ARHGEF12: variants seen among roughly 807,000 people sequenced by gnomAD.
The protein encoded by ARHGEF12 is Rho guanine nucleotide exchange factor 12.
In ARHGEF12, 66 loss-of-function variants were observed where a neutral mutation model predicts 211.2. That is an observed-to-expected ratio of 0.31 (90% confidence interval 0.26 to 0.38). The LOEUF is 0.38. ARHGEF12 is among the 10% of genes least tolerant of loss of function. The pLI is 1.00. For missense variants in ARHGEF12, 1,429 were observed against 1,869.5 expected (o/e 0.76, Z 4.34); for synonymous variants, 592 against 638.4 (o/e 0.93, Z 1.09).
chr11:120,370,912 G>A (rs1943572612), intron 1 of ARHGEF12, among the ~76,000 whole-genome samples: 1 of 151,498 alleles, frequency 6.6e-6, no homozygotes, highest in East Asian at 1.9e-4. Context: ...TTAAGGTAGT[G>A]TGTTATAGAG....
At chr11:120,456,845 T>C (rs539446259) in intron 22 of ARHGEF12, among the ~76,000 whole-genome samples, 2 of 152,172 alleles carry the variant, frequency 1.3e-5, no homozygotes, top group South Asian at 2.1e-4. Flanking sequence ...AAATTAAAAA[T>C]GAGCCAGGTG....
intron 36 of ARHGEF12, 94 bp from the exon 37 acceptor site, chr11:120,478,062 G>GT (rs368383611): frequency 0.19 from 106,262 of 566,266 alleles, 162 homozygotes; most frequent in South Asian, 0.33. Flanking sequence ...TTTATGGATT[G>GT]TTTTTTTTTT....
intron 40 of ARHGEF12, 58 bp downstream of exon 40, chr11:120,484,565 G>T: frequency 1.4e-6 from 2 of 1,413,936 alleles, no homozygotes; most frequent in Non-Finnish European, 2.0e-6. Context: ...TGAATGAAAT[G>T]ACTTATCATA....
At position 120,460,657 on chromosome 11, in the gene ARHGEF12, T is replaced by C; in HGVS notation, c.2528-15T>C. ...TGAATGTGTTACTAACGTTTTTCTA[T>C]CTTTTTATCTTTAGTTGGATTGAAT... On this transcript the variant is annotated splice_polypyrimidine_tract_variant and intron_variant, in intron 26 of 40. Coordinates refer to ENST00000397843, the MANE Select transcript of ARHGEF12 (RefSeq NM_015313.3). The C allele has an allele frequency of 6.2e-7, 1 of 1,607,982 alleles. No homozygotes were observed.
intron 12 of ARHGEF12, 37 bp from the exon 13 acceptor site, chr11:120,440,092 G>T (rs755847088): frequency 4.1e-6 from 6 of 1,459,892 alleles, no homozygotes; most frequent in Non-Finnish European, 5.7e-6. Context: ...TTGACCACCA[G>T]GTAATTTTTC....
chr11:120,416,388 A>G (rs1404300760), intron 4 of ARHGEF12, among the ~76,000 whole-genome samples: 2 of 152,190 alleles, frequency 1.3e-5, no homozygotes, highest in Non-Finnish European at 2.9e-5. Flanking sequence ...AACAAATACA[A>G]ATCAGTGTGA....
intron 27 of ARHGEF12, chr11:120,463,525 CAAAAAAAAAAA>C (rs11315620): frequency 1.2e-5 from 1 of 81,678 alleles, no homozygotes; most frequent in African/African-American, 4.3e-5. Context: ...AACTCAGTCT[CAAAAAAAAAAA>C]AAAAAAAAAA....
intron 39 of ARHGEF12, among the ~76,000 whole-genome samples, chr11:120,483,005 A>G (rs1021997201): frequency 3.3e-5 from 5 of 152,164 alleles, no homozygotes; most frequent in Admixed American, 3.3e-4. Context: ...GTTCTTATAT[A>G]CAGTCATGTG....
rs368476949 is a variant in ARHGEF12 at position 120,473,106 on chromosome 11, C to T, written c.3012C>T (p.Tyr1004=). The T allele has an allele frequency of 6.2e-7, 1 of 1,613,266 alleles. No individual in the cohort carries two copies. The highest frequency in any genetic ancestry group is 8.5e-7 in the Non-Finnish European group (1 of 1,179,700). The part of the protein sequence containing the change: ...LDTSSLKLSE[Y]PNVEELRNLD... ...CCTCCAGCCTGAAGTTGTCAGAGTACCCAAATGTTGAAGAGCTCAGGGTGA... is the reference window on the plus strand; with the variant it reads ...CCTCCAGCCTGAAGTTGTCAGAGTATCCAAATGTTGAAGAGCTCAGGGTGA... The change falls in exon 31 of 41, where the codon TAC becomes TAT. Residue 1004 remains tyrosine (Y), a synonymous_variant. Transcript: ENST00000397843.
chr11:120,410,693 G>GT (rs1944857531), intron 4 of ARHGEF12: 1 of 152,084 alleles, frequency 6.6e-6, no homozygotes, highest in Non-Finnish European at 1.5e-5. Context: ...CTTTACTTGG[G>GT]TTTTTGTGAC....
At chr11:120,414,060 G>A (rs41478048) in intron 4 of ARHGEF12, among the ~76,000 whole-genome samples, 1,970 of 152,096 alleles carry the variant, frequency 0.013, 51 homozygotes, top group African/African-American at 0.045. Context: ...GAAGGAAGCA[G>A]TCTTTTTATG....
intron 40 of ARHGEF12, 119 bp from the exon 41 acceptor site, chr11:120,484,948 C>T: frequency 1.9e-6 from 2 of 1,072,994 alleles, no homozygotes; most frequent in Non-Finnish European, 2.8e-6. Flanking sequence ...TACTCATCTG[C>T]TTACATACTG....
At chr11:120,407,859 A>T in intron 3 of ARHGEF12, 36 bp downstream of exon 3, 1 of 1,569,308 alleles carries the variant, frequency 6.4e-7, no homozygotes, top group Non-Finnish European at 8.8e-7. Context: ...GAGTATTGAG[A>T]GTAGTGAAGT....
chr11:120,370,078 A>G (rs771415067), intron 1 of ARHGEF12, among the ~76,000 whole-genome samples: 3 of 152,212 alleles, frequency 2.0e-5, no homozygotes, highest in Non-Finnish European at 4.4e-5. Flanking sequence ...TTCATGTTCT[A>G]TATTCAGCAA....
Position 120,457,099 on chromosome 11 carries a change from G to A in ARHGEF12, c.2057-19G>A. The A allele has an allele frequency of 1.2e-6, 2 of 1,612,372 alleles. No homozygotes were observed. Among genetic ancestry groups the A allele is most frequent in the East Asian group, 2.2e-5 (1 of 44,808 alleles). On this transcript the variant is annotated intron_variant, in intron 22 of 40. Coordinates refer to ENST00000397843, the MANE Select transcript of ARHGEF12 (RefSeq NM_015313.3). The stretch of plus-strand genomic sequence containing the variant: ...TATTAAGTATTAACACTCTTCAAAT[G>A]TCTGACTTTTGTCTACAGGATCAAA...
At chr11:120,453,559 A>G (rs1404427796) in intron 22 of ARHGEF12, among the ~76,000 whole-genome samples, 1 of 152,120 alleles carries the variant, frequency 6.6e-6, no homozygotes, top group African/African-American at 2.4e-5. Flanking sequence ...CTCTACAAAA[A>G]ATGAAGAAGT....
intron 27 of ARHGEF12, chr11:120,463,054 T>C (rs773439967): frequency 6.6e-6 from 1 of 152,278 alleles, no homozygotes; most frequent in Non-Finnish European, 1.5e-5. Flanking sequence ...TTTGCCCAGC[T>C]GTAGGCTAAT....
At chr11:120,443,172 C>A (rs931444103) in intron 15 of ARHGEF12, among the ~76,000 whole-genome samples, 6 of 152,012 alleles carry the variant, frequency 3.9e-5, no homozygotes, top group Non-Finnish European at 8.8e-5. Flanking sequence ...CAGGTGTACA[C>A]CATCATGCCT....
At chr11:120,441,902 G>A (rs1945878605) in intron 14 of ARHGEF12, 85 bp downstream of exon 14, 4 of 1,208,196 alleles carry the variant, frequency 3.3e-6, no homozygotes, top group South Asian at 2.6e-5. Context: ...ACAACGAGTG[G>A]GCAGACTTCT....
Sources: gnomAD v4.1 joint callset for allele counts (sites outside exome capture counted in the v4.1 genomes callset) on GRCh38, gnomAD v4.1.1 for gene constraint, MANE v1.5 for transcripts, NCBI Gene and HGNC (gene_info 2026-07-23, HGNC 2026-07-21) for gene names.